The following ARHGAP40 variants were observed in gnomAD, a reference collection of about 807,000 sequenced individuals.
ARHGAP40 encodes Rho GTPase activating protein 40, also known as rho GTPase-activating protein 40.
Under a neutral mutation model 73.5 loss-of-function variants are expected in ARHGAP40, and 43 were observed. That is an observed-to-expected ratio of 0.58 (90% confidence interval 0.46 to 0.75). The LOEUF (loss-of-function observed/expected upper bound fraction) is 0.75, where lower values mean the gene tolerates loss of function less well. Ranked by LOEUF, ARHGAP40 falls within the 30% of genes least tolerant of loss-of-function variation. ARHGAP40 has a pLI of 0.00. For missense variants in ARHGAP40, 734 were observed against 861.8 expected (o/e 0.85, Z 1.86); for synonymous variants, 300 against 352.8 (o/e 0.85, Z 1.68).
intron 2 of ARHGAP40, among the ~76,000 whole-genome samples, chr20:38,625,556 C>A (rs906526846): frequency 6.6e-6 from 1 of 152,268 alleles, no homozygotes; most frequent in Non-Finnish European, 1.5e-5. Flanking sequence ...GTAGTTGGGA[C>A]TACTGGCATT....
intron 1 of ARHGAP40, among the ~76,000 whole-genome samples, chr20:38,607,050 T>G (rs6064761): frequency 0.097 from 14,729 of 152,186 alleles, 1,405 homozygotes; most frequent in African/African-American, 0.25. Context: ...AAAATGACAT[T>G]AATGCATGTG....
rs1284073798 is a variant in ARHGAP40 at position 38,646,336 on chromosome 20, C to G, written c.1710+149C>G. The stretch of plus-strand genomic sequence containing the variant: ...ACCAGGGGGCGTTGCGGCGCCGTCA[C>G]GGGGAGCGAGGAGGCGTGGCTGCGA... On this transcript the variant is annotated intron_variant, in intron 12 of 14. Coordinates refer to ENST00000373345, the Ensembl canonical transcript of ARHGAP40. This position sits in a 1 kb window ranked among gnomAD's most constrained non-coding sequence, Gnocchi z 4.5. 1.0e-6 allele frequency: 1 copy of G among 980,406 alleles called. No individual in the cohort carries two copies. Among genetic ancestry groups the G allele is most frequent in the Non-Finnish European group, 1.3e-6 (1 of 772,200 alleles). 60.7% of individuals were successfully genotyped at this position (980,406 alleles called of 1,614,324 possible).
At chr20:38,610,883 C>CTTTTTTT (rs60110231) in intron 1 of ARHGAP40, among the ~76,000 whole-genome samples, 3 of 139,038 alleles carry the variant, frequency 2.2e-5, no homozygotes, top group Non-Finnish European at 1.5e-5. Context: ...GATGTCTTTT[C>CTTTTTTT]TTTTTTTTTT....
chr20:38,629,364 G>C, intron 4 of ARHGAP40, 138 bp from the exon 5 acceptor site: 1 of 893,698 alleles, frequency 1.1e-6, no homozygotes, highest in Non-Finnish European at 1.5e-6. Context: ...TAAACCTAAT[G>C]ATTTGATCCT....
chr20:38,643,945 T>C, intron 11 of ARHGAP40, 35 bp downstream of exon 11: 2 of 1,264,502 alleles, frequency 1.6e-6, no homozygotes, highest in Non-Finnish European at 2.1e-6. Flanking sequence ...TCCCTCTGGG[T>C]GCAGCTGCCG....
intron 1 of ARHGAP40, among the ~76,000 whole-genome samples, chr20:38,602,986 G>C (rs2088744534): frequency 6.6e-6 from 1 of 152,180 alleles, no homozygotes; most frequent in Non-Finnish European, 1.5e-5. Context: ...CTGGGGACTT[G>C]CATGGGTAAA....
At chr20:38,609,473 A>G (rs908717981) in intron 1 of ARHGAP40, among the ~76,000 whole-genome samples, 1 of 152,234 alleles carries the variant, frequency 6.6e-6, no homozygotes, top group Non-Finnish European at 1.5e-5. Context: ...ATTTATCAAT[A>G]TCTGCTCTGT....
intron 1 of ARHGAP40, chr20:38,615,322 G>A: frequency 1.3e-6 from 1 of 774,114 alleles, no homozygotes; most frequent in East Asian, 2.4e-5. Context: ...TTTGTTTCAG[G>A]TTAATTGCCA....
intron 11 of ARHGAP40, among the ~76,000 whole-genome samples, chr20:38,644,411 G>A (rs2145615030): frequency 6.6e-6 from 1 of 152,188 alleles, no homozygotes; most frequent in African/African-American, 2.4e-5. Context: ...CTAGCACTGA[G>A]ACCCCTCCAG....
Position 38,646,185 on chromosome 20 carries a change from G to A in ARHGAP40, c.1708G>A (p.Ala570Thr). The A allele has an allele frequency of 2.3e-6, 3 of 1,300,716 alleles. No homozygotes were observed. The highest frequency in any genetic ancestry group is 3.0e-6 in the Non-Finnish European group (3 of 986,824). The allele number at this position is 1,300,716 out of a possible 1,614,324, so 80.6% of individuals were successfully genotyped here. ...GGACAAGGCGGGGGACGGCCTCGAG[G>A]CGGTGAGTGCCCCCGACCCCAGACA... The change falls in exon 12 of 15, where the codon GCG becomes ACG. Residue 570 changes from alanine to threonine, a missense_variant and splice_region_variant. Coordinates refer to ENST00000373345, the Ensembl canonical transcript of ARHGAP40. The surrounding 1 kb of genome is among the most constrained non-coding windows in gnomAD (Gnocchi z 4.5).
intron 5 of ARHGAP40, among the ~76,000 whole-genome samples, chr20:38,630,432 G>C (rs1327943320): frequency 6.6e-6 from 1 of 151,754 alleles, no homozygotes; most frequent in Non-Finnish European, 1.5e-5. Context: ...CATTGCCCAG[G>C]CTGGTCTCAA....
intron 9 of ARHGAP40, among the ~76,000 whole-genome samples, 189 bp downstream of exon 9, chr20:38,639,575 C>T (rs937898597): frequency 5.3e-5 from 8 of 152,254 alleles, no homozygotes; most frequent in South Asian, 2.1e-4. Context: ...CACATGTGCA[C>T]GCGTGTCCTG....
At chr20:38,645,827 C>T (rs1449286121) in intron 11 of ARHGAP40, among the ~76,000 whole-genome samples, 1 of 152,168 alleles carries the variant, frequency 6.6e-6, no homozygotes, top group African/African-American at 2.4e-5. Context: ...AGGGTGGGCT[C>T]CACTCTCAGG....
chr20:38,612,280 C>G (rs2088808830), intron 1 of ARHGAP40, among the ~76,000 whole-genome samples: 2 of 152,102 alleles, frequency 1.3e-5, no homozygotes, highest in Admixed American at 6.5e-5. Flanking sequence ...AAATATACAG[C>G]CAGAAAAGTA....
chr20:38,629,632 G>C (rs531579825), exon 5 of ARHGAP40: 11 of 1,305,426 alleles, frequency 8.4e-6, no homozygotes, highest in Admixed American at 2.3e-5. Context: ...CCTCTGCCTG[G>C]GGCAAGTGTT....
chr20:38,622,471 T>A (rs2145601157), intron 1 of ARHGAP40, among the ~76,000 whole-genome samples: 1 of 152,336 alleles, frequency 6.6e-6, no homozygotes, highest in South Asian at 2.1e-4. Flanking sequence ...TCATCTGAAG[T>A]CCTGGACTTC....
rs199834707 is a variant in ARHGAP40 at position 38,606,687 on chromosome 20, T to TTAAA, written c.137+4610_137+4613dup. Among the ~76,000 whole-genome samples, 704 of 152,256 alleles carry TTAAA rather than the reference T, an allele frequency of 4.6e-3. 6 individuals carry two copies. Among genetic ancestry groups the TTAAA allele is most frequent in the African/African-American group, 0.016 (668 of 41,524 alleles). On this transcript the variant is annotated intron_variant, in intron 1 of 14. Coordinates refer to ENST00000373345, the Ensembl canonical transcript of ARHGAP40. ...CCAGATTTCCTTAATCAATAATGGG[T>TTAAA]TAAATGACTTGGCTGATTGCACACA...
chr20:38,619,464 G>A (rs149647820), intron 1 of ARHGAP40, among the ~76,000 whole-genome samples: 2,029 of 151,930 alleles, frequency 0.013, 20 homozygotes, highest in Non-Finnish European at 0.023. Context: ...GGGTTCATGG[G>A]ATGTGGAGAC....
intron 5 of ARHGAP40, among the ~76,000 whole-genome samples, chr20:38,630,040 CCCT>C (rs1483328328): frequency 2.7e-5 from 4 of 148,376 alleles, no homozygotes; most frequent in African/African-American, 4.9e-5. Context: ...TCCCTCCCTT[CCCT>C]CCTCCTCCTC....
Sources: gnomAD v4.1 joint callset for allele counts (sites outside exome capture counted in the v4.1 genomes callset) on GRCh38, gnomAD v4.1.1 for gene constraint, Gnocchi (gnomAD v3.1) non-coding constraint, MANE v1.5 for transcripts, NCBI Gene and HGNC (gene_info 2026-07-23, HGNC 2026-07-21) for gene names.